Variants in SCCPDH observed in about 807,000 individuals in gnomAD.
The protein encoded by SCCPDH is saccharopine dehydrogenase-like oxidoreductase.
In SCCPDH, 34 loss-of-function variants were observed where a neutral mutation model predicts 51.5. The ratio of observed to expected loss-of-function variants is 0.66; its 90% CI spans 0.50 to 0.88. SCCPDH has a LOEUF of 0.88. Ranked by LOEUF, SCCPDH falls within the 40% of genes least tolerant of loss-of-function variation. SCCPDH has a pLI of 0.00. For missense variants in SCCPDH, 464 were observed against 527.1 expected (o/e 0.88, Z 1.17); for synonymous variants, 187 against 191.3 (o/e 0.98, Z 0.19).
chr1:246,736,083 G>C (rs1454533529), intron 3 of SCCPDH, 28 bp downstream of exon 3: 3 of 1,466,206 alleles, frequency 2.0e-6, no homozygotes, highest in Non-Finnish European at 2.8e-6. Flanking sequence ...GAAAAACGTA[G>C]AATTAACACA....
At chr1:246,725,322 T>A (rs1007562699) in intron 1 of SCCPDH, among the ~76,000 whole-genome samples, 1 of 152,034 alleles carries the variant, frequency 6.6e-6, no homozygotes, top group African/African-American at 2.4e-5. Flanking sequence ...CTCTAAGCAT[T>A]GAAGGAGCAT....
chr1:246,730,075 A>G (rs76152910), intron 2 of SCCPDH, among the ~76,000 whole-genome samples: 3,056 of 152,192 alleles, frequency 0.02, 99 homozygotes, highest in African/African-American at 0.069. Flanking sequence ...TACCCTTCCA[A>G]CTACTCTACT....
chr1:246,736,527 C>T (rs1011482648), intron 3 of SCCPDH, among the ~76,000 whole-genome samples: 2 of 151,888 alleles, frequency 1.3e-5, no homozygotes, highest in African/African-American at 4.8e-5. Flanking sequence ...CGGTGAAACC[C>T]CATGTCTACT....
intron 9 of SCCPDH, among the ~76,000 whole-genome samples, chr1:246,764,041 C>G (rs113603974): frequency 2.6e-5 from 4 of 152,146 alleles, no homozygotes; most frequent in South Asian, 2.1e-4. Context: ...CCCCTTCCCC[C>G]CAACATCACG....
chr1:246,735,850 T>C, intron 2 of SCCPDH, 125 bp from the exon 3 acceptor site: 1 of 632,524 alleles, frequency 1.6e-6, no homozygotes, highest in Non-Finnish European at 2.7e-6. Context: ...AATTTATCTT[T>C]AGGCTATTTT....
intron 3 of SCCPDH, among the ~76,000 whole-genome samples, chr1:246,737,233 T>TAAA (rs11374908): frequency 2.1e-5 from 3 of 142,990 alleles, no homozygotes. Context: ...GGAAACAAAT[T>TAAA]AAAAAAAAAA....
intron 4 of SCCPDH, among the ~76,000 whole-genome samples, chr1:246,741,853 G>A (rs1300124054): frequency 6.6e-6 from 1 of 152,156 alleles, no homozygotes; most frequent in Non-Finnish European, 1.5e-5. Flanking sequence ...GATCACCTGA[G>A]GTCAGGAGTT....
intron 3 of SCCPDH, among the ~76,000 whole-genome samples, chr1:246,737,143 A>T (rs891907800): frequency 1.3e-5 from 2 of 152,020 alleles, no homozygotes; most frequent in Non-Finnish European, 2.9e-5. Context: ...TGATATTAAT[A>T]TGCATTTGCA....
At chr1:246,748,180 G>T (rs751320268) in intron 5 of SCCPDH, among the ~76,000 whole-genome samples, 19 of 152,256 alleles carry the variant, frequency 1.2e-4, no homozygotes, top group Non-Finnish European at 2.2e-4. Flanking sequence ...AGTTAGTGCT[G>T]CATCTGTAAG....
At chr1:246,758,578 A>G (rs1452572703) in intron 6 of SCCPDH, among the ~76,000 whole-genome samples, 1 of 152,240 alleles carries the variant, frequency 6.6e-6, no homozygotes, top group Non-Finnish European at 1.5e-5. Flanking sequence ...TAAATAAGAC[A>G]TAATTAATCC....
Position 246,759,087 on chromosome 1 carries a change from G to T in SCCPDH, c.749G>T (p.Gly250Val), listed in dbSNP as rs769633853. ...AAAGGTTATTCCATTCCTTTTATGG[G>T]ATCTGATGTGTCTGTTGTAAGGAGG... ...ELKGYSIPFM[G>V]SDVSVVRRTQ... Residue 250 changes from glycine to valine, a missense_variant, in exon 7 of 12, where the codon GGA (glycine) becomes GTA (valine). Gly to Val is a moderately radical substitution (Grantham distance 109). Coordinates refer to ENST00000366510, the MANE Select transcript of SCCPDH (RefSeq NM_016002.3). The T allele has an allele frequency of 1.2e-6, 2 of 1,612,764 alleles. No individual in the cohort carries two copies. The highest frequency in any genetic ancestry group is 1.3e-5 in the African/African-American group (1 of 74,880).
Position 246,767,230 on chromosome 1 carries a change from A to G in SCCPDH, c.1220A>G (p.Lys407Arg), listed in dbSNP as rs904794092. 1.2e-6 allele frequency: 2 copies of G among 1,610,770 alleles called. No individual in the cohort carries two copies. Among genetic ancestry groups the G allele is most frequent in the Admixed American group, 3.4e-5 (2 of 59,646 alleles). Residue 407 changes from lysine to arginine, a missense_variant, in exon 12 of 12, where the codon AAA becomes AGA. Coordinates refer to ENST00000366510, the MANE Select transcript of SCCPDH (RefSeq NM_016002.3). ...GVFTPGAAFSKTKLIDRLNKH... is the reference protein window; with the variant it reads ...GVFTPGAAFSRTKLIDRLNKH... ...TTCACACCTGGAGCAGCTTTTTCCAAAACAAAGTTGATTGACAGACTCAAC... is the reference window on the plus strand; with the variant it reads ...TTCACACCTGGAGCAGCTTTTTCCAGAACAAAGTTGATTGACAGACTCAAC...
At chr1:246,750,417 T>C (rs1668833961) in intron 5 of SCCPDH, among the ~76,000 whole-genome samples, 1 of 152,176 alleles carries the variant, frequency 6.6e-6, no homozygotes, top group African/African-American at 2.4e-5. Flanking sequence ...CGAACATCTT[T>C]CCGAGGGGCA....
chr1:246,736,191 G>A (rs61684731), intron 3 of SCCPDH, 136 bp downstream of exon 3: 69,146 of 620,940 alleles, frequency 0.11, 6,192 homozygotes, highest in African/African-American at 0.34. Flanking sequence ...TGGTATTCGT[G>A]TGGTATTCCA....
intron 2 of SCCPDH, among the ~76,000 whole-genome samples, chr1:246,734,918 TATC>T (rs1446384411): frequency 1.3e-5 from 2 of 152,258 alleles, no homozygotes; most frequent in Non-Finnish European, 2.9e-5. Context: ...GGAAATCTAA[TATC>T]ATACAGGCTC....
At chr1:246,729,496 A>G (rs1419922734) in intron 2 of SCCPDH, among the ~76,000 whole-genome samples, 1 of 152,244 alleles carries the variant, frequency 6.6e-6, no homozygotes, top group African/African-American at 2.4e-5. Flanking sequence ...TTCTGCAAGA[A>G]GAGAAATATG....
rs944004046 is a variant in SCCPDH, at chr1:246,767,946, G to A, written c.*646G>A. 1.3e-5 allele frequency: 2 copies of A among 152,038 alleles called. No homozygotes were observed. Among genetic ancestry groups the A allele is most frequent in the Admixed American group, 1.3e-4 (2 of 15,262 alleles). The allele number at this position is 152,038 out of a possible 1,614,324, so 9.4% of individuals were successfully genotyped here. On this transcript the variant is annotated 3_prime_UTR_variant, in exon 12 of 12. Coordinates refer to ENST00000366510, the MANE Select transcript of SCCPDH (RefSeq NM_016002.3). ...AGTAGGCTTATCATTTTATCTTTAC[G>A]TAATTCTATATCTGTGACTAGGTTT...
intron 2 of SCCPDH, among the ~76,000 whole-genome samples, chr1:246,735,688 C>T (rs1441322982): frequency 2.1e-4 from 32 of 152,196 alleles, no homozygotes; most frequent in African/African-American, 7.2e-4. Context: ...TGTGCCACCA[C>T]GCCCGGCTAA....
intron 4 of SCCPDH, among the ~76,000 whole-genome samples, chr1:246,742,267 T>C (rs1303765799): frequency 2.0e-5 from 3 of 152,264 alleles, no homozygotes; most frequent in Admixed American, 6.5e-5. Context: ...CTGTGAAGTT[T>C]AGAAGTTTTC....
Sources: gnomAD v4.1 joint callset for allele counts (sites outside exome capture counted in the v4.1 genomes callset) on GRCh38, gnomAD v4.1.1 for gene constraint, MANE v1.5 for transcripts, NCBI Gene and HGNC (gene_info 2026-07-23, HGNC 2026-07-21) for gene names.